NCMAP: variants seen among roughly 807,000 people sequenced by gnomAD.
NCMAP encodes non-compact myelin associated protein.
Under a neutral mutation model 7.8 loss-of-function variants are expected in NCMAP, and 8 were observed. That is an observed-to-expected ratio of 1.02 (90% confidence interval 0.60 to 1.84). The LOEUF (loss-of-function observed/expected upper bound fraction) is 1.84. NCMAP is among the 40% of genes most tolerant of loss of function. The pLI is 0.00. For synonymous variants in NCMAP, 41 were observed against 52.9 expected (o/e 0.78, Z 0.98); for missense variants, 112 against 131.4 (o/e 0.85, Z 0.72).
chr1:24,563,699 G>A (rs1160674013), intron 1 of NCMAP: 1 of 152,278 alleles, frequency 6.6e-6, no homozygotes, highest in African/African-American at 2.4e-5. Context: ...GAAATATAAT[G>A]TTCGGTCCAT....
At chr1:24,599,235 G>A (rs1486646413) in intron 2 of NCMAP, among the ~76,000 whole-genome samples, 1 of 147,122 alleles carries the variant, frequency 6.8e-6, no homozygotes, top group African/African-American at 2.5e-5. Context: ...AGCTGAGATC[G>A]TGCCACTGCA....
intron 1 of NCMAP, among the ~76,000 whole-genome samples, chr1:24,557,997 G>A (rs992479437): frequency 2.0e-5 from 3 of 152,204 alleles, no homozygotes; most frequent in Non-Finnish European, 4.4e-5. Context: ...AGTCAGGAAG[G>A]AGCTGTGTCC....
intron 2 of NCMAP, among the ~76,000 whole-genome samples, chr1:24,598,073 G>C (rs1307091521): frequency 6.6e-6 from 1 of 152,042 alleles, no homozygotes; most frequent in Non-Finnish European, 1.5e-5. Context: ...CCCCGACAAA[G>C]AATTAGCCAG....
At chr1:24,590,659 G>C (rs1386479241) in intron 1 of NCMAP, among the ~76,000 whole-genome samples, 1 of 152,118 alleles carries the variant, frequency 6.6e-6, no homozygotes, top group Non-Finnish European at 1.5e-5. Context: ...GGAATGCAAT[G>C]GTGCCATCAT....
At chr1:24,602,670 G>A (rs1652549064) in intron 3 of NCMAP, among the ~76,000 whole-genome samples, 1 of 151,898 alleles carries the variant, frequency 6.6e-6, no homozygotes, top group Non-Finnish European at 1.5e-5. Flanking sequence ...AGGAGGCTGA[G>A]GCAGGAGGAT....
At position 24,597,642 on chromosome 1, in the gene NCMAP, A is replaced by AGAAAGAAG. The variant is rs1553157434; in HGVS notation, c.82+2137_82+2138insGGAAAGAA. Among the ~76,000 whole-genome samples, 1,141 of 124,740 alleles carry AGAAAGAAG rather than the reference A, an allele frequency of 9.1e-3. 59 individuals carry two copies. Among genetic ancestry groups the AGAAAGAAG allele is most frequent in the African/African-American group, 0.044 (1,106 of 24,988 alleles). The allele number at this position is 124,740 out of a possible 152,430, so 81.8% of individuals were successfully genotyped here. Reference sequence around the variant, plus strand: ...GAGAAAGAAAGAAAGAAAGAAAGAAAGAAAGAAAGAAAGAAAGAAAGAAAG... The same window carrying AGAAAGAAG: ...GAGAAAGAAAGAAAGAAAGAAAGAAAGAAAGAAGGAAAGAAAGAAAGAAAGAAAGAAAG... On this transcript the variant is annotated intron_variant, in intron 2 of 3. Transcript: ENST00000374392.
At chr1:24,566,554 C>T (rs1651233710) in intron 1 of NCMAP, among the ~76,000 whole-genome samples, 1 of 152,142 alleles carries the variant, frequency 6.6e-6, no homozygotes, top group African/African-American at 2.4e-5. Context: ...GAGGCAAGTT[C>T]ATGGAAGACC....
At position 24,605,769 on chromosome 1, in the gene NCMAP, C is replaced by A; in HGVS notation, c.*22C>A. On this transcript the variant is annotated 3_prime_UTR_variant, in exon 4 of 4. Transcript: ENST00000374392. ...ATGACCTCTACCCTGGCGCTATCTC[C>A]ACCACTGTCCAAAGAGCCTCTCCAG... is the stretch of plus-strand genomic sequence containing the variant. The A allele has an allele frequency of 6.2e-7, 1 of 1,612,518 alleles. No individual in the cohort carries two copies. The highest frequency in any genetic ancestry group is 1.1e-5 in the South Asian group (1 of 91,014).
intron 1 of NCMAP, among the ~76,000 whole-genome samples, chr1:24,581,063 A>G (rs1651728651): frequency 1.3e-5 from 2 of 151,106 alleles, no homozygotes; most frequent in South Asian, 4.2e-4. Flanking sequence ...TTCAGGATGA[A>G]GCAGAGATGA....
chr1:24,569,966 G>T (rs2148927301), intron 1 of NCMAP, among the ~76,000 whole-genome samples: 1 of 150,048 alleles, frequency 6.7e-6, no homozygotes, highest in Admixed American at 6.6e-5. Context: ...ATTTTTTTTT[G>T]AGACAATTTT....
Position 24,606,042 on chromosome 1 carries a change from A to G in NCMAP, c.*295A>G, listed in dbSNP as rs1417077085. ...CAATGTGGGCTTGGCTTTCCCCCAC[A>G]CTGTAGTTAGACAGATAGACAGATA... On this transcript the variant is annotated 3_prime_UTR_variant, in exon 4 of 4. Transcript: ENST00000374392. The G allele has an allele frequency of 1.1e-5, 4 of 368,460 alleles. No homozygotes were observed. Among genetic ancestry groups the G allele is most frequent in the Non-Finnish European group, 1.5e-5 (3 of 200,810 alleles). 22.8% of individuals were successfully genotyped at this position (368,460 alleles called of 1,614,324 possible). A position where few individuals can be genotyped will look rare whatever the true frequency, so the allele number is the denominator to read the frequency against.
At chr1:24,600,865 G>T in intron 2 of NCMAP, 75 bp from the exon 3 acceptor site, 1 of 1,253,750 alleles carries the variant, frequency 8.0e-7, no homozygotes, top group Non-Finnish European at 1.2e-6. Flanking sequence ...AGGATGTCAG[G>T]TGCCACAGCA....
At chr1:24,602,209 TAAC>T (rs1652523660) in intron 3 of NCMAP, among the ~76,000 whole-genome samples, 2 of 152,264 alleles carry the variant, frequency 1.3e-5, no homozygotes, top group African/African-American at 4.8e-5. Context: ...AGCAAGGTCT[TAAC>T]AACTGGTGTG....
Position 24,606,769 on chromosome 1 carries a change from G to A in NCMAP, c.*1022G>A, listed in dbSNP as rs1252285757. The A allele has an allele frequency of 2.0e-5, 3 of 152,180 alleles. No homozygotes were observed. The highest frequency in any genetic ancestry group is 7.2e-5 in the African/African-American group (3 of 41,436). The allele number at this position is 152,180 out of a possible 1,614,324, so 9.4% of individuals were successfully genotyped here. A position where few individuals can be genotyped will look rare whatever the true frequency, so the allele number is the denominator to read the frequency against. Reference sequence around the variant, plus strand: ...AAGAAGAGAAAGTATCTGGAATTAAGAAGTCCTACCATCCAAGCCCTACTT... The same window carrying A: ...AAGAAGAGAAAGTATCTGGAATTAAAAAGTCCTACCATCCAAGCCCTACTT... On this transcript the variant is annotated 3_prime_UTR_variant, in exon 4 of 4. Coordinates refer to ENST00000374392, the MANE Select transcript of NCMAP (RefSeq NM_001010980.5).
rs150181017 is a variant in NCMAP at position 24,566,020 on chromosome 1, C to T, written c.-8+9851C>T. On this transcript the variant is annotated intron_variant, in intron 1 of 3. Coordinates refer to ENST00000374392, the MANE Select transcript of NCMAP (RefSeq NM_001010980.5). ...TTTCGCTTGGCACCTCTCCTACCTGCCACCTTGTGAAGAAGTTACCTTGGT... is the reference window on the plus strand; with the variant it reads ...TTTCGCTTGGCACCTCTCCTACCTGTCACCTTGTGAAGAAGTTACCTTGGT... 1.5e-3 allele frequency among the ~76,000 whole-genome samples: 223 copies of T among 152,226 alleles called. 1 individual carries two copies. The highest frequency in any genetic ancestry group is 5.2e-3 in the African/African-American group (214 of 41,542).
intron 1 of NCMAP, among the ~76,000 whole-genome samples, chr1:24,587,695 TAGAGA>T (rs1351994677): frequency 6.6e-6 from 1 of 152,050 alleles, no homozygotes; most frequent in Non-Finnish European, 1.5e-5. Flanking sequence ...TGTATTTTTG[TAGAGA>T]AGAGGTTTCA....
chr1:24,603,389 T>C (rs1450133775), intron 3 of NCMAP, among the ~76,000 whole-genome samples: 2 of 152,270 alleles, frequency 1.3e-5, no homozygotes, highest in African/African-American at 4.8e-5. Flanking sequence ...ATTTAGGATA[T>C]TACAATTTGG....
intron 1 of NCMAP, among the ~76,000 whole-genome samples, chr1:24,581,706 C>T (rs929899650): frequency 4.6e-5 from 7 of 152,206 alleles, no homozygotes; most frequent in Non-Finnish European, 8.8e-5. Flanking sequence ...GAAAGACATC[C>T]TTGCAAATCA....
chr1:24,600,801 C>A (rs948204722), intron 2 of NCMAP, 139 bp from the exon 3 acceptor site: 1 of 738,268 alleles, frequency 1.4e-6, no homozygotes, highest in Non-Finnish European at 2.4e-6. Context: ...GTCCTGGGGT[C>A]AACTGGGAGT....
Sources: gnomAD v4.1 joint callset for allele counts (sites outside exome capture counted in the v4.1 genomes callset) on GRCh38, gnomAD v4.1.1 for gene constraint, MANE v1.5 for transcripts, NCBI Gene and HGNC (gene_info 2026-07-23, HGNC 2026-07-21) for gene names.